AMOT: variants seen among roughly 807,000 people sequenced by gnomAD.
The protein encoded by AMOT is angiomotin.
AMOT carries 11 observed loss-of-function variants against 67.0 expected under a neutral mutation model. The observed-to-expected ratio is 0.16, with a 90% CI of 0.10 to 0.27. The LOEUF is 0.27. Ranked by LOEUF, AMOT falls within the 10% of genes least tolerant of loss-of-function variation. AMOT has a pLI of 1.00. For missense variants in AMOT, 753 were observed against 852.0 expected (o/e 0.88, Z 1.45); for synonymous variants, 326 against 321.4 (o/e 1.01, Z -0.15).
At chrX:112,795,163 A>G (rs1933757113) in intron 8 of AMOT, among the ~76,000 whole-genome samples, 1 of 111,019 alleles carries the variant, frequency 9.0e-6, no homozygotes, top group South Asian at 3.9e-4. Context: ...AAAAAGTACT[A>G]TTTAACTAAA....
chrX:112,781,110 G>T lies in AMOT; in HGVS notation c.2249C>A (p.Thr750Asn), dbSNP rs890348269. 3.3e-6 allele frequency: 4 copies of T among 1,208,505 alleles called. No individual in the cohort carries two copies. The South Asian group carries it at 7.0e-5, about 21-fold the overall frequency. ...RCLDMEGRIKTLHAQIIEKDA... is the reference protein window; with the variant it reads ...RCLDMEGRIKNLHAQIIEKDA... Reference sequence around the variant, plus strand: ...CTTCTCAATAATCTGGGCATGGAGGGTCTTAATCCTAGGAGCCAAAGGCAA... The same window carrying T: ...CTTCTCAATAATCTGGGCATGGAGGTTCTTAATCCTAGGAGCCAAAGGCAA... The change falls in exon 12 of 14, where the codon ACC becomes AAC. Residue 750 changes from threonine to asparagine, a missense_variant. Physicochemically the swap from Thr to Asn is moderately conservative, Grantham distance 65. Around this residue, in one of 5 missense-constraint regions of AMOT, gnomAD observed 269 missense variants for 300.9 expected, o/e 0.89. Coordinates refer to ENST00000371959, the MANE Select transcript of AMOT (RefSeq NM_001113490.2).
At position 112,779,188 on chromosome X, in the gene AMOT, G is replaced by T; in HGVS notation, c.2966C>A (p.Ala989Asp). ...VPAPALVPVP[A>D]PAAAQASAPA... The stretch of plus-strand genomic sequence containing the variant: ...AGCAGAAGCCTGAGCCGCTGCTGGA[G>T]CTGGAACCGGAACCAGAGCCGGAGC... The change falls in exon 13 of 14, where the codon GCT (alanine) becomes GAT (aspartate). Residue 989 changes from alanine to aspartate, a missense_variant. Coordinates refer to ENST00000371959, the MANE Select transcript of AMOT (RefSeq NM_001113490.2). The T allele has an allele frequency of 1.3e-6, 1 of 798,764 alleles. No homozygotes were observed. The highest frequency in any genetic ancestry group is 1.9e-6 in the Non-Finnish European group (1 of 518,488). The allele number at this position is 798,764 out of a possible 1,213,427, so 65.8% of individuals were successfully genotyped here. A position where few individuals can be genotyped will look rare whatever the true frequency, so the allele number is the denominator to read the frequency against.
At chrX:112,795,270 GTGTGTA>G (rs1386706317) in intron 8 of AMOT, among the ~76,000 whole-genome samples, 1 of 109,816 alleles carries the variant, frequency 9.1e-6, no homozygotes, top group Non-Finnish European at 1.9e-5. Context: ...GTGTGTGTGT[GTGTGTA>G]TGTGTATGTC....
intron 10 of AMOT, among the ~76,000 whole-genome samples, chrX:112,789,176 T>C (rs1933484226): frequency 1.8e-5 from 2 of 112,135 alleles, no homozygotes; most frequent in African/African-American, 3.2e-5. Flanking sequence ...CTGTCAATAA[T>C]AACAATGTTT....
chrX:112,815,005 A>C (rs1934496699), intron 5 of AMOT, among the ~76,000 whole-genome samples: 1 of 112,269 alleles, frequency 8.9e-6, no homozygotes, highest in Non-Finnish European at 1.9e-5. Context: ...ATGAGCCTTA[A>C]GGTGCCGTCA....
chrX:112,810,583 G>GT (rs1227219517), intron 6 of AMOT, among the ~76,000 whole-genome samples: 7 of 110,498 alleles, frequency 6.3e-5, no homozygotes, highest in African/African-American at 2.3e-4. Context: ...GCGCACGCTG[G>GT]TAATCCCAGC....
intron 10 of AMOT, among the ~76,000 whole-genome samples, chrX:112,785,210 G>A (rs1176013191): frequency 8.9e-6 from 1 of 112,184 alleles, no homozygotes; most frequent in Non-Finnish European, 1.9e-5. Context: ...ACCCCAAACT[G>A]CATATTCCTG....
At chrX:112,804,645 C>T (rs762840249) in intron 8 of AMOT, among the ~76,000 whole-genome samples, 16 of 111,540 alleles carry the variant, frequency 1.4e-4, no homozygotes, top group East Asian at 2.8e-4. Context: ...GCTTATGGTA[C>T]GGCTAGGTAT....
At chrX:112,805,726 A>G (rs972826529) in intron 7 of AMOT, among the ~76,000 whole-genome samples, 20 of 111,404 alleles carry the variant, frequency 1.8e-4, no homozygotes, top group African/African-American at 6.5e-4. Flanking sequence ...TTGGGAATCC[A>G]ATGTCTTTTA....
At chrX:112,793,012 T>C (rs763457841) in intron 8 of AMOT, among the ~76,000 whole-genome samples, 2 of 99,031 alleles carry the variant, frequency 2.0e-5, no homozygotes, top group South Asian at 8.5e-4. Context: ...TATCTTCTTC[T>C]TTAAAGAAGA....
chrX:112,817,155 G>C (rs1934589642), intron 4 of AMOT, among the ~76,000 whole-genome samples: 1 of 112,216 alleles, frequency 8.9e-6, no homozygotes, highest in Non-Finnish European at 1.9e-5. Flanking sequence ...GATCCCAACA[G>C]AGGGAGTCTG....
chrX:112,778,597 A>G lies in AMOT; in HGVS notation c.3225T>C (p.Pro1075=). Residue 1075 remains proline (P), a synonymous_variant, in exon 14 of 14, where the codon CCT becomes CCC. Transcript: ENST00000371959. ...KTPIQILGQE[P]DAEMVEYLI ...TGAGATATTCCACCATCTCTGCATC[A>G]GGCTCTTGTCCCAGGATCTGAATGG... 4 of 1,208,984 alleles carry G rather than the reference A, an allele frequency of 3.3e-6. No individual in the cohort carries two copies. The highest frequency in any genetic ancestry group is 4.5e-6 in the Non-Finnish European group (4 of 893,519).
In AMOT at chrX:112,776,171, CAT is replaced by C. The variant is rs1200011980; in HGVS notation, c.*2394_*2395del. 1 of 112,242 alleles carries C rather than the reference CAT, an allele frequency of 8.9e-6. No homozygotes were observed. The highest frequency in any genetic ancestry group is 3.2e-5 in the African/African-American group (1 of 30,843). The allele number at this position is 112,242 out of a possible 1,213,427, so 9.3% of individuals were successfully genotyped here. A position where few individuals can be genotyped will look rare whatever the true frequency, so the allele number is the denominator to read the frequency against. On this transcript the variant is annotated 3_prime_UTR_variant, in exon 14 of 14. Coordinates refer to ENST00000371959, the MANE Select transcript of AMOT (RefSeq NM_001113490.2). ...AGAACTTCTTCCTTTCCCCAAAACA[CAT>C]GAGTCTAAAGAGATGGCTACCACAC...
At chrX:112,832,563 G>C (rs1935018366) in intron 1 of AMOT, among the ~76,000 whole-genome samples, 193 bp from the exon 2 acceptor site, 1 of 111,943 alleles carries the variant, frequency 8.9e-6, no homozygotes, top group Non-Finnish European at 1.9e-5. Flanking sequence ...ACCCTCCACA[G>C]AATTGCCCCT....
intron 8 of AMOT, among the ~76,000 whole-genome samples, chrX:112,792,691 T>C (rs1933653376): frequency 8.9e-6 from 1 of 112,044 alleles, no homozygotes; most frequent in Non-Finnish European, 1.9e-5. Flanking sequence ...TTGTGATTGC[T>C]ACTTCATGAG....
intron 5 of AMOT, among the ~76,000 whole-genome samples, chrX:112,814,048 G>A (rs1360490858): frequency 9.0e-6 from 1 of 111,255 alleles, no homozygotes; most frequent in African/African-American, 3.3e-5. Context: ...CAAGGCGGGC[G>A]GATCACCTGA....
At chrX:112,804,683 G>A (rs964887467) in intron 8 of AMOT, among the ~76,000 whole-genome samples, 1 of 111,810 alleles carries the variant, frequency 8.9e-6, no homozygotes, top group Non-Finnish European at 1.9e-5. Flanking sequence ...TATGGGGGCA[G>A]TGAGCTTATT....
rs1932957900 is a variant in AMOT at position 112,777,049 on chromosome X, A to G, written c.*1518T>C. 9.0e-6 allele frequency: 1 copy of G among 111,128 alleles called. No homozygotes were observed. Among genetic ancestry groups the G allele is most frequent in the African/African-American group, 3.3e-5 (1 of 30,503 alleles). 9.2% of individuals were successfully genotyped at this position (111,128 alleles called of 1,213,427 possible). Reference sequence around the variant, plus strand: ...ATTGCTAAAGTTCTTTCCCACCACTATGGCTCATGATGTAATATATCAGGC... The same window carrying G: ...ATTGCTAAAGTTCTTTCCCACCACTGTGGCTCATGATGTAATATATCAGGC... On this transcript the variant is annotated 3_prime_UTR_variant, in exon 14 of 14. Transcript: ENST00000371959.
intron 5 of AMOT, among the ~76,000 whole-genome samples, chrX:112,814,286 A>G (rs1934470216): frequency 9.1e-6 from 1 of 110,355 alleles, no homozygotes; most frequent in Non-Finnish European, 1.9e-5. Flanking sequence ...AAAAAAAAAA[A>G]AGAAAGAAAG....
Sources: allele counts gnomAD v4.1 joint callset (sites outside exome capture counted in the v4.1 genomes callset), GRCh38; gene constraint gnomAD v4.1.1; regional missense constraint gnomAD v4.1.1; transcripts MANE v1.5; gene names NCBI Gene and HGNC (gene_info 2026-07-23, HGNC 2026-07-21).